NEB: variants seen among roughly 807,000 people sequenced by gnomAD.
NEB encodes nemaline myopathy type 2.
In NEB, 512 loss-of-function variants were observed where a neutral mutation model predicts 952.2. The observed-to-expected ratio is 0.54, with a 90% confidence interval of 0.50 to 0.58. NEB has a LOEUF of 0.58. NEB is among the 20% of genes least tolerant of loss of function. NEB has a pLI of 0.00. For missense variants in NEB, 8,428 were observed against 9,231.1 expected (o/e 0.91, Z 3.56); for synonymous variants, 2,900 against 3,149.8 (o/e 0.92, Z 2.66).
Position 151,669,135 on chromosome 2 carries a change from A to T in NEB, c.4507-4T>A. ...CTCCCTCTACCTTGTAGTTCAACTA[A>T]AAACAAAGGAGACAGCATGCACATA... On this transcript the variant is annotated splice_region_variant and splice_polypyrimidine_tract_variant and intron_variant, in intron 38 of 181. Transcript: ENST00000397345. 1 of 1,541,654 alleles carries T rather than the reference A, an allele frequency of 6.5e-7. No homozygotes were observed. Among genetic ancestry groups the T allele is most frequent in the East Asian group, 2.3e-5 (1 of 42,994 alleles).
chr2:151,568,565 T>G, intron 111 of NEB, 53 bp downstream of exon 111: 1 of 1,488,664 alleles, frequency 6.7e-7, no homozygotes, highest in South Asian at 1.2e-5. Context: ...ATGGAAAAGC[T>G]TTGGAAGTGA....
At chr2:151,630,867 T>A (rs1309394888) in intron 66 of NEB, 48 bp from the exon 67 acceptor site, 1 of 1,463,860 alleles carries the variant, frequency 6.8e-7, no homozygotes, top group Non-Finnish European at 9.2e-7. Context: ...GAAATAGAAA[T>A]GACAAAAAGT....
At position 151,612,194 on chromosome 2, in the gene NEB, T is replaced by C. The variant is rs1281809486; in HGVS notation, c.11797A>G (p.Met3933Val). The change falls in exon 78 of 182, where the codon ATG becomes GTG. Residue 3933 changes from methionine to valine, a missense_variant. Around this residue, in one of 11 missense-constraint regions of NEB, gnomAD observed 337 missense variants for 297.5 expected, o/e 1.13. Transcript: ENST00000397345. ...IVLAKNNALTMSKHLYTEAWD... is the reference protein window; with the variant it reads ...IVLAKNNALTVSKHLYTEAWD... ...AACAGCTGGAGACTCACCTTGCTCA[T>C]TGTCAGGGCATTATTCTTTGCTAGG... 6 of 1,613,232 alleles carry C rather than the reference T, an allele frequency of 3.7e-6. No individual in the cohort carries two copies. Among genetic ancestry groups the C allele is most frequent in the Non-Finnish European group, 5.1e-6 (6 of 1,179,478 alleles).
chr2:151,537,953 C>T lies in NEB; in HGVS notation c.21021G>A (p.Met7007Ile), dbSNP rs779831700. 3 of 1,613,226 alleles carry T rather than the reference C, an allele frequency of 1.9e-6. No individual in the cohort carries two copies. The Admixed American group carries it at 5.0e-5, about 27-fold the overall frequency. ...TGGACCTCCAGATACCCAACTGGCT[C>T]ATGTAGTTCTCCTTGTATTTTATCT... Reference protein sequence around the residue: ...ISKIKYKENYMSQLGIWRSIP... With the variant: ...ISKIKYKENYISQLGIWRSIP... Residue 7007 changes from methionine (M) to isoleucine (I), a missense_variant, in exon 140 of 182, where the codon ATG (methionine) becomes ATA (isoleucine). By Grantham distance (10) the Met-to-Ile change is conservative. Around this residue, in one of 11 missense-constraint regions of NEB, gnomAD observed 3,374 missense variants for 3,651.5 expected, o/e 0.92. Coordinates refer to ENST00000397345, the MANE Select transcript of NEB (RefSeq NM_001164508.2).
chr2:151,645,510 G>A (rs972815235), intron 55 of NEB, among the ~76,000 whole-genome samples: 2 of 152,142 alleles, frequency 1.3e-5, no homozygotes, highest in African/African-American at 2.4e-5. Context: ...TTGAGAATAT[G>A]ATTTAAATGT....
Position 151,553,837 on chromosome 2 carries a change from C to G in NEB, c.19617G>C (p.Gln6539His). ...VNDHVRKVTD[Q>H]ISDIVYKDDL... is the part of the protein sequence containing the mutation. ...TAAGTCACAGGCTTACATCGCTGAT[C>G]TGATCTGTGACTTTCCTGACGTGAT... Residue 6539 changes from glutamine (Q) to histidine (H), a missense_variant, in exon 126 of 182, where the codon CAG (glutamine) becomes CAC (histidine). Gln to His is a conservative substitution (Grantham distance 24). Coordinates refer to ENST00000397345, the MANE Select transcript of NEB (RefSeq NM_001164508.2). 1.2e-6 allele frequency: 2 copies of G among 1,611,460 alleles called. No homozygotes were observed. The highest frequency in any genetic ancestry group is 1.7e-6 in the Non-Finnish European group (2 of 1,178,470).
intron 113 of NEB, among the ~76,000 whole-genome samples, chr2:151,567,850 A>T (rs1360113523): frequency 6.6e-6 from 1 of 152,058 alleles, no homozygotes; most frequent in Admixed American, 6.6e-5. Flanking sequence ...CTTTTAAAAA[A>T]GCCAAGGGGG....
At chr2:151,551,588 A>T in intron 129 of NEB, 150 bp downstream of exon 129, 1 of 634,734 alleles carries the variant, frequency 1.6e-6, no homozygotes. Flanking sequence ...GAGGAAAGAT[A>T]GATTATGCTC....
At chr2:151,538,324 G>A in intron 138 of NEB, 80 bp from the exon 139 acceptor site, 1 of 1,051,806 alleles carries the variant, frequency 9.5e-7, no homozygotes, top group Non-Finnish European at 1.5e-6. Flanking sequence ...GAACTCTCTT[G>A]TCTTCTCTCT....
At chr2:151,530,721 G>T (rs574435543) in intron 145 of NEB, 1 of 324,496 alleles carries the variant, frequency 3.1e-6, no homozygotes, top group Admixed American at 4.6e-5. Flanking sequence ...CTCCCAGCCC[G>T]CAGCCATCAC....
At position 151,642,644 on chromosome 2, in the gene NEB, T is replaced by G. The variant is rs1285324106; in HGVS notation, c.8303A>C (p.Lys2768Thr). 6.2e-7 allele frequency: 1 copy of G among 1,613,976 alleles called. No individual in the cohort carries two copies. Among genetic ancestry groups the G allele is most frequent in the Admixed American group, 1.7e-5 (1 of 60,026 alleles). ...YKLGLEEAKR[K>T]GYDMRVDAIP... ...GGCATCTACCCGCATGTCATAACCT[T>G]TCCTCTTGGCTTCTTCTAGGCCAAG... Residue 2768 changes from lysine to threonine, a missense_variant, in exon 60 of 182, where the codon AAA becomes ACA. By Grantham distance (78) the Lys-to-Thr change is moderately conservative. This residue lies in a region of NEB where 1,772 missense variants were observed against 1,960.3 expected (regional missense o/e 0.90). Transcript: ENST00000397345.
intron 172 of NEB, 66 bp downstream of exon 172, chr2:151,496,875 T>C: frequency 1.4e-6 from 2 of 1,440,680 alleles, no homozygotes; most frequent in South Asian, 2.5e-5. Context: ...TTAATATGTA[T>C]TATTTTAAAT....
intron 107 of NEB, among the ~76,000 whole-genome samples, chr2:151,572,456 G>A (rs1174725851): frequency 2.1e-5 from 3 of 145,776 alleles, no homozygotes; most frequent in Non-Finnish European, 3.0e-5. Context: ...CTTATGTAAT[G>A]CTTTTTATGA....
intron 145 of NEB, 30 bp from the exon 146 acceptor site, chr2:151,529,344 A>AT (rs1255584042): frequency 3.6e-6 from 5 of 1,396,940 alleles, no homozygotes; most frequent in Non-Finnish European, 5.1e-6. Flanking sequence ...GACAAGATTA[A>AT]TTTTTTTATA....
intron 53 of NEB, 23 bp from the exon 54 acceptor site, chr2:151,650,402 A>T: frequency 1.9e-6 from 3 of 1,606,014 alleles, no homozygotes; most frequent in Non-Finnish European, 2.6e-6. Context: ...AGAGCAAGCC[A>T]TCAAAATCCC....
chr2:151,500,120 G>C (rs913527967), intron 168 of NEB, among the ~76,000 whole-genome samples: 14 of 151,912 alleles, frequency 9.2e-5, no homozygotes, highest in African/African-American at 3.4e-4. Flanking sequence ...AAAACAATGA[G>C]TATAACATTC....
At chr2:151,671,455 G>T in intron 37 of NEB, 1 of 433,864 alleles carries the variant, frequency 2.3e-6, no homozygotes, top group East Asian at 3.6e-5. Context: ...TATTTTCATG[G>T]GTACTGCTAA....
At chr2:151,505,696 A>C in intron 164 of NEB, 126 bp from the exon 165 acceptor site, 1 of 760,302 alleles carries the variant, frequency 1.3e-6, no homozygotes, top group Non-Finnish European at 2.3e-6. Flanking sequence ...CGCAGGCTTT[A>C]TACTTAGTGT....
In NEB at chr2:151,567,319, A is replaced by T; in HGVS notation, c.18005T>A (p.Ile6002Lys). ...DYHKTKAKINIPADMVSVLAA... is the reference protein window; with the variant it reads ...DYHKTKAKINKPADMVSVLAA... ...CAAGACTGACACCATATCAGCAGGT[A>T]TATTGATTTTGGCCTTTGTTTTGTG... is the stretch of plus-strand genomic sequence containing the variant. Residue 6002 changes from isoleucine to lysine, a missense_variant, in exon 114 of 182, where the codon ATA becomes AAA. By Grantham distance (102) the Ile-to-Lys change is moderately radical (BLOSUM62 -3). Transcript: ENST00000397345. 1 of 1,613,930 alleles carries T rather than the reference A, an allele frequency of 6.2e-7. No individual in the cohort carries two copies. Among genetic ancestry groups the T allele is most frequent in the Admixed American group, 1.7e-5 (1 of 60,012 alleles).
Sources: allele counts gnomAD v4.1 joint callset (sites outside exome capture counted in the v4.1 genomes callset), GRCh38; gene constraint gnomAD v4.1.1; regional missense constraint gnomAD v4.1.1; transcripts MANE v1.5; gene names NCBI Gene and HGNC (gene_info 2026-07-23, HGNC 2026-07-21).